Variants in GRIK2 observed in about 807,000 individuals in gnomAD.
GRIK2 encodes the protein glutamate receptor ionotropic, kainate 2.
A neutral mutation model predicts 100.3 loss-of-function variants in GRIK2; 32 were observed. The ratio of observed to expected loss-of-function variants is 0.32; its 90% CI spans 0.24 to 0.43. The LOEUF (loss-of-function observed/expected upper bound fraction) is 0.43. GRIK2 is among the 20% of genes least tolerant of loss of function. The pLI, the probability that GRIK2 is intolerant of heterozygous loss-of-function variation, is 1.00. For synonymous variants in GRIK2, 417 were observed against 389.4 expected (o/e 1.07, Z -0.83); for missense variants, 843 against 1,114.9 (o/e 0.76, Z 3.47).
chr6:101,541,683 A>T (rs1776004926), intron 2 of GRIK2, among the ~76,000 whole-genome samples: 1 of 152,106 alleles, frequency 6.6e-6, no homozygotes, highest in Non-Finnish European at 1.5e-5. Flanking sequence ...GTACTTAAGT[A>T]AAACAGTTTA....
chr6:101,443,249 A>C (rs1009848690), intron 2 of GRIK2, among the ~76,000 whole-genome samples: 4 of 152,206 alleles, frequency 2.6e-5, no homozygotes, highest in African/African-American at 9.6e-5. Context: ...GTAAAGTACA[A>C]TATTACTTTT....
chr6:101,926,146 G>A (rs1211653087), intron 13 of GRIK2, among the ~76,000 whole-genome samples: 3 of 148,376 alleles, frequency 2.0e-5, no homozygotes, highest in Non-Finnish European at 3.0e-5. Flanking sequence ...TGAAGAATCA[G>A]TAGTTATATT....
intron 4 of GRIK2, among the ~76,000 whole-genome samples, chr6:101,630,657 G>A (rs1252916202): frequency 6.6e-6 from 1 of 151,886 alleles, no homozygotes; most frequent in Non-Finnish European, 1.5e-5. Context: ...GCAAGGTATA[G>A]TTTTAATGAT....
At chr6:101,995,964 AAG>A (rs1395301054) in intron 14 of GRIK2, among the ~76,000 whole-genome samples, 5 of 152,144 alleles carry the variant, frequency 3.3e-5, no homozygotes, top group African/African-American at 1.2e-4. Flanking sequence ...GCTAGAAATG[AAG>A]ATATTTCAAG....
At chr6:101,942,549 C>T (rs535848853) in intron 14 of GRIK2, among the ~76,000 whole-genome samples, 13 of 152,184 alleles carry the variant, frequency 8.5e-5, no homozygotes, top group Middle Eastern at 3.4e-3. Flanking sequence ...TCGTCTGAGA[C>T]GGAGATGATG....
At chr6:101,537,732 A>G (rs755878439) in intron 2 of GRIK2, among the ~76,000 whole-genome samples, 3 of 151,812 alleles carry the variant, frequency 2.0e-5, no homozygotes, top group Non-Finnish European at 4.4e-5. Context: ...GATGACCTCT[A>G]CAAATCATTA....
chr6:101,759,867 AT>A, intron 7 of GRIK2, among the ~76,000 whole-genome samples: 1 of 147,118 alleles, frequency 6.8e-6, no homozygotes, highest in African/African-American at 2.6e-5. Context: ...TTATTTTTTT[AT>A]TTATTTTTAT....
intron 2 of GRIK2, among the ~76,000 whole-genome samples, chr6:101,457,968 G>GT (rs1562152039): frequency 6.6e-6 from 1 of 151,964 alleles, no homozygotes. Flanking sequence ...TTTAGACTTG[G>GT]AAAGTAAATT....
intron 2 of GRIK2, among the ~76,000 whole-genome samples, chr6:101,590,881 C>A (rs1032557548): frequency 6.6e-6 from 1 of 151,860 alleles, no homozygotes; most frequent in African/African-American, 2.4e-5. Flanking sequence ...TTTTATTTTT[C>A]CTGCTTCAAT....
At chr6:101,496,689 A>C (rs1314120557) in intron 2 of GRIK2, among the ~76,000 whole-genome samples, 1 of 152,200 alleles carries the variant, frequency 6.6e-6, no homozygotes, top group East Asian at 1.9e-4. Context: ...AATCATGGAC[A>C]AACATGTATT....
intron 2 of GRIK2, among the ~76,000 whole-genome samples, chr6:101,483,583 G>A (rs532384646): frequency 1.3e-5 from 2 of 152,016 alleles, no homozygotes; most frequent in South Asian, 4.2e-4. Flanking sequence ...ATTTATTTAT[G>A]TATTTATTTG....
intron 6 of GRIK2, among the ~76,000 whole-genome samples, chr6:101,685,283 G>A (rs1410990108): frequency 6.6e-6 from 1 of 152,066 alleles, no homozygotes; most frequent in East Asian, 1.9e-4. Flanking sequence ...GCACAGACTA[G>A]AGCTCAGGCC....
chr6:102,033,462 G>A (rs1770104959), intron 14 of GRIK2, among the ~76,000 whole-genome samples: 1 of 151,232 alleles, frequency 6.6e-6, no homozygotes, highest in African/African-American at 2.4e-5. Flanking sequence ...TCGGAGATAG[G>A]CTGTAACAAT....
intron 7 of GRIK2, among the ~76,000 whole-genome samples, chr6:101,770,455 G>A (rs1778329761): frequency 6.6e-6 from 1 of 151,932 alleles, no homozygotes. Context: ...TTCCTAAATG[G>A]CATACGATTC....
intron 5 of GRIK2, among the ~76,000 whole-genome samples, chr6:101,679,874 T>A (rs533216356): frequency 2.2e-4 from 34 of 152,120 alleles, no homozygotes; most frequent in African/African-American, 7.9e-4. Flanking sequence ...GAGTAGCCGG[T>A]ATTACAGGCA....
At chr6:101,427,822 C>A (rs1366397657) in intron 2 of GRIK2, among the ~76,000 whole-genome samples, 1 of 152,142 alleles carries the variant, frequency 6.6e-6, no homozygotes, top group Non-Finnish European at 1.5e-5. Flanking sequence ...TTTATCCATT[C>A]ATTTATTCAT....
chr6:101,570,017 T>C (rs1187577786), intron 2 of GRIK2, among the ~76,000 whole-genome samples: 1 of 152,104 alleles, frequency 6.6e-6, no homozygotes, highest in African/African-American at 2.4e-5. Context: ...GTAATATAGA[T>C]AGAATGGAAA....
intron 7 of GRIK2, among the ~76,000 whole-genome samples, chr6:101,787,692 T>G (rs1391075166): frequency 6.6e-6 from 1 of 152,200 alleles, no homozygotes; most frequent in Non-Finnish European, 1.5e-5. Flanking sequence ...TTTTCAACTT[T>G]TAAAAGTTTG....
intron 2 of GRIK2, among the ~76,000 whole-genome samples, chr6:101,515,081 C>G (rs1774516995): frequency 6.6e-6 from 1 of 152,090 alleles, no homozygotes; most frequent in African/African-American, 2.4e-5. Context: ...CCAGAGTCCA[C>G]TGTATCATTG....
Sources: allele counts gnomAD v4.1 joint callset (sites outside exome capture counted in the v4.1 genomes callset), GRCh38; gene constraint gnomAD v4.1.1; transcripts MANE v1.5; gene names NCBI Gene and HGNC (gene_info 2026-07-23, HGNC 2026-07-21).